Variants in SLC10A1 observed in about 807,000 individuals in gnomAD.
SLC10A1 encodes the protein solute carrier family 10 member 1.
SLC10A1 carries 36 observed loss-of-function variants against 20.5 expected under a neutral mutation model. That is an observed-to-expected ratio of 1.75 (90% CI 1.34 to 2.32). SLC10A1 has a LOEUF of 2.32. Among genes scored for constraint, SLC10A1 ranks in the 30% most tolerant of loss-of-function variants. SLC10A1 has a pLI of 0.00. For missense variants in SLC10A1, 545 were observed against 439.1 expected (o/e 1.24, Z -2.16); for synonymous variants, 188 against 163.6 (o/e 1.15, Z -1.14).
chr14:69,776,472 A>T (rs1017655827), intron 4 of SLC10A1, 84 bp from the exon 5 acceptor site: 3 of 1,058,344 alleles, frequency 2.8e-6, no homozygotes, highest in African/African-American at 1.6e-5. Flanking sequence ...AAAGTACAAA[A>T]ATACCAACTC....
At chr14:69,796,210 T>A (rs1382630026) in intron 1 of SLC10A1, among the ~76,000 whole-genome samples, 1 of 152,170 alleles carries the variant, frequency 6.6e-6, no homozygotes, top group Admixed American at 6.5e-5. Context: ...GAGTGGGTGC[T>A]GGGAAACTCT....
intron 4 of SLC10A1, 132 bp from the exon 5 acceptor site, chr14:69,776,520 G>T: frequency 1.5e-6 from 1 of 674,440 alleles, no homozygotes; most frequent in Non-Finnish European, 2.5e-6. Flanking sequence ...TTCCATCTCT[G>T]TCGTCTCTCC....
intron 1 of SLC10A1, 24 bp from the exon 2 acceptor site, chr14:69,786,331 G>GGA (rs375377530): frequency 1.9e-5 from 31 of 1,595,458 alleles, no homozygotes; most frequent in East Asian, 1.1e-4. Flanking sequence ...TGGGAAGAGG[G>GGA]GAGAGAGAGA....
rs769979666 is a variant in SLC10A1, at chr14:69,779,371, A to G, written c.568-11T>C. 9.4e-6 allele frequency: 15 copies of G among 1,600,314 alleles called. No homozygotes were observed. The South Asian group carries it at 1.7e-4, about 18-fold the overall frequency. ...GATGATCATCCCTCCCTGGGAATGA[A>G]GACAAGAAAAGGCAATTAGAAGAGT... On this transcript the variant is annotated splice_polypyrimidine_tract_variant and intron_variant, in intron 2 of 4. Transcript: ENST00000216540.
chr14:69,784,927 A>T (rs903217790), intron 2 of SLC10A1, among the ~76,000 whole-genome samples: 1 of 151,994 alleles, frequency 6.6e-6, no homozygotes, highest in Admixed American at 6.6e-5. Context: ...GGCAAAAACT[A>T]CTCTTGAGAC....
At chr14:69,782,939 T>C (rs1883630278) in intron 2 of SLC10A1, among the ~76,000 whole-genome samples, 1 of 152,232 alleles carries the variant, frequency 6.6e-6, no homozygotes, top group South Asian at 2.1e-4. Context: ...CTTGGTATTC[T>C]GTTTCCCAGT....
intron 1 of SLC10A1, among the ~76,000 whole-genome samples, chr14:69,794,363 G>C (rs1276676079): frequency 6.6e-6 from 1 of 152,172 alleles, no homozygotes; most frequent in South Asian, 2.1e-4. Context: ...TGGCCATTTT[G>C]TTTGTGGAAA....
At chr14:69,787,100 T>C (rs1302908444) in intron 1 of SLC10A1, among the ~76,000 whole-genome samples, 1 of 152,240 alleles carries the variant, frequency 6.6e-6, no homozygotes, top group Admixed American at 6.5e-5. Flanking sequence ...TGGTCAGATT[T>C]GCTTTGCATC....
At chr14:69,781,860 C>T (rs1233972893) in intron 2 of SLC10A1, among the ~76,000 whole-genome samples, 1 of 152,166 alleles carries the variant, frequency 6.6e-6, no homozygotes, top group South Asian at 2.1e-4. Context: ...GACCTTCCAC[C>T]AGCGAATGCA....
intron 1 of SLC10A1, among the ~76,000 whole-genome samples, chr14:69,791,165 TATAAAG>T (rs1199810348): frequency 1.3e-5 from 2 of 152,126 alleles, no homozygotes; most frequent in African/African-American, 2.4e-5. Flanking sequence ...GATTCAATAT[TATAAAG>T]ATAGTCTCTC....
chr14:69,776,440 C>CAATG (rs1566633519), intron 4 of SLC10A1, 52 bp from the exon 5 acceptor site: 2 of 1,400,946 alleles, frequency 1.4e-6, no homozygotes, highest in Admixed American at 1.7e-5. Flanking sequence ...GAGGAGTGAA[C>CAATG]AATGAAGCTT....
At chr14:69,783,631 T>G (rs868255031) in intron 2 of SLC10A1, among the ~76,000 whole-genome samples, 1 of 152,156 alleles carries the variant, frequency 6.6e-6, no homozygotes, top group South Asian at 2.1e-4. Flanking sequence ...TTAAGGAGTT[T>G]AAACTATCCT....
At chr14:69,781,491 G>A (rs1883591413) in intron 2 of SLC10A1, among the ~76,000 whole-genome samples, 2 of 152,204 alleles carry the variant, frequency 1.3e-5, no homozygotes, top group African/African-American at 4.8e-5. Flanking sequence ...TAGGAAGTTT[G>A]CAGGATTACA....
rs1272498973 is a variant in SLC10A1, at chr14:69,778,334, C to T, written c.942G>A (p.Lys314=). Residue 314 remains lysine (K), a splice_region_variant and synonymous_variant, in exon 4 of 5, where the codon AAG becomes AAA. Coordinates refer to ENST00000216540, the MANE Select transcript of SLC10A1 (RefSeq NM_003049.4). ...FWCYEKFKTP[K]DKTKMIYTAA... is the part of the protein sequence containing the mutation. ...AGTGGGGATAATTTCAGTACTCACC[C>T]TTGGGAGTCTTGAATTTCTCATAGC... The T allele has an allele frequency of 3.1e-6, 5 of 1,599,582 alleles. No individual in the cohort carries two copies. Among genetic ancestry groups the T allele is most frequent in the Non-Finnish European group, 1.7e-6 (2 of 1,172,612 alleles).
intron 1 of SLC10A1, among the ~76,000 whole-genome samples, chr14:69,790,472 C>T (rs143364458): frequency 1.3e-5 from 2 of 151,794 alleles, no homozygotes; most frequent in African/African-American, 2.4e-5. Flanking sequence ...TTAAAAAATA[C>T]AATGAACAAG....
chr14:69,777,578 G>GTT (rs4646293), intron 4 of SLC10A1, among the ~76,000 whole-genome samples: 7,109 of 72,366 alleles, frequency 0.098, 1,309 homozygotes, highest in Non-Finnish European at 0.13. Context: ...TGAATGTCCT[G>GTT]TTTTTTTTTT....
At chr14:69,791,059 T>C (rs1250836791) in intron 1 of SLC10A1, among the ~76,000 whole-genome samples, 1 of 152,036 alleles carries the variant, frequency 6.6e-6, no homozygotes, top group African/African-American at 2.4e-5. Flanking sequence ...CTAAAGGACA[T>C]GTAAGATCTT....
chr14:69,777,144 C>G (rs1566633810), intron 4 of SLC10A1, among the ~76,000 whole-genome samples: 1 of 152,180 alleles, frequency 6.6e-6, no homozygotes, highest in Non-Finnish European at 1.5e-5. Flanking sequence ...TTTGGTTGGT[C>G]TAGAAACTTC....
At chr14:69,788,451 A>G (rs1883772791) in intron 1 of SLC10A1, among the ~76,000 whole-genome samples, 1 of 152,344 alleles carries the variant, frequency 6.6e-6, no homozygotes, top group Admixed American at 6.5e-5. Flanking sequence ...AAAGGACACC[A>G]TCAAGAAAGT....
Sources: allele counts gnomAD v4.1 joint callset (sites outside exome capture counted in the v4.1 genomes callset), GRCh38; gene constraint gnomAD v4.1.1; transcripts MANE v1.5; gene names NCBI Gene and HGNC (gene_info 2026-07-23, HGNC 2026-07-21).